The following AGK variants were observed in gnomAD, a reference collection of about 807,000 sequenced individuals.
AGK encodes the protein acylglycerol kinase, mitochondrial.
In AGK, 52 loss-of-function variants were observed where a neutral mutation model predicts 66.4. That is an observed-to-expected ratio of 0.78 (90% CI 0.63 to 0.99). The LOEUF (loss-of-function observed/expected upper bound fraction) is 0.99, where lower values mean the gene tolerates loss of function less well. Among genes scored for constraint, AGK ranks in the 50% least tolerant of loss-of-function variants. AGK has a pLI of 0.00. For synonymous variants in AGK, 182 were observed against 181.1 expected (o/e 1.00, Z -0.04); for missense variants, 451 against 506.6 (o/e 0.89, Z 1.05).
intron 8 of AGK, among the ~76,000 whole-genome samples, chr7:141,619,943 T>A (rs1382447085): frequency 6.6e-6 from 1 of 152,198 alleles, no homozygotes; most frequent in African/African-American, 2.4e-5. Flanking sequence ...AATGCCAATG[T>A]CCATCAACTG....
chr7:141,554,113 G>A (rs1331503090), intron 1 of AGK, among the ~76,000 whole-genome samples: 1 of 152,120 alleles, frequency 6.6e-6, no homozygotes, highest in East Asian at 1.9e-4. Context: ...GCCAAGGCGG[G>A]AGGATTGCTT....
chr7:141,630,486 A>G (rs757954661), intron 9 of AGK, among the ~76,000 whole-genome samples: 1 of 152,202 alleles, frequency 6.6e-6, no homozygotes, highest in Non-Finnish European at 1.5e-5. Flanking sequence ...ATCATCCCAC[A>G]TGTCAATTAC....
chr7:141,621,822 T>G (rs988354902), intron 9 of AGK, 21 bp downstream of exon 9: 4 of 1,573,022 alleles, frequency 2.5e-6, no homozygotes, highest in Non-Finnish European at 3.5e-6. Flanking sequence ...TCATCACATA[T>G]TGGAAAAATT....
intron 13 of AGK, among the ~76,000 whole-genome samples, chr7:141,647,333 G>A (rs898564286): frequency 2.6e-5 from 4 of 152,002 alleles, no homozygotes; most frequent in South Asian, 2.1e-4. Context: ...CAGCTTCCTC[G>A]CCATGGTCTA....
At chr7:141,624,280 A>G (rs1252975059) in intron 9 of AGK, among the ~76,000 whole-genome samples, 1 of 152,232 alleles carries the variant, frequency 6.6e-6, no homozygotes, top group East Asian at 1.9e-4. Flanking sequence ...TAGATGAACT[A>G]CTGTCTTGGC....
At chr7:141,644,471 T>C (rs1211398631) in intron 13 of AGK, among the ~76,000 whole-genome samples, 2 of 152,184 alleles carry the variant, frequency 1.3e-5, no homozygotes, top group Non-Finnish European at 2.9e-5. Flanking sequence ...GTGTAATAGC[T>C]CAAAATGTTC....
intron 2 of AGK, among the ~76,000 whole-genome samples, chr7:141,570,703 G>T (rs1746800477): frequency 6.8e-6 from 1 of 146,672 alleles, no homozygotes; most frequent in Non-Finnish European, 1.5e-5. Flanking sequence ...AAATATTGCA[G>T]TACCTTACTC....
At chr7:141,587,493 TGGC>T (rs1796017612) in intron 2 of AGK, among the ~76,000 whole-genome samples, 1 of 152,236 alleles carries the variant, frequency 6.6e-6, no homozygotes, top group South Asian at 2.1e-4. Flanking sequence ...CTTGGTGACC[TGGC>T]CTTTACTGGC....
intron 13 of AGK, among the ~76,000 whole-genome samples, chr7:141,643,062 G>C (rs921961878): frequency 1.3e-5 from 2 of 152,126 alleles, no homozygotes; most frequent in Non-Finnish European, 2.9e-5. Context: ...AGATGGAGTT[G>C]GAATGTCGTG....
chr7:141,573,680 A>G (rs1465988577), intron 2 of AGK, among the ~76,000 whole-genome samples: 1 of 152,180 alleles, frequency 6.6e-6, no homozygotes, highest in African/African-American at 2.4e-5. Context: ...CGTATTCTGG[A>G]ACCCAAAGTA....
At chr7:141,566,909 C>T (rs149225341) in intron 2 of AGK, among the ~76,000 whole-genome samples, 183 of 152,200 alleles carry the variant, frequency 1.2e-3, no homozygotes, top group African/African-American at 4.2e-3. Flanking sequence ...CCATTGACAC[C>T]GTCCTCAGAA....
chr7:141,648,766 G>A (rs886201129), intron 13 of AGK, among the ~76,000 whole-genome samples: 6 of 152,230 alleles, frequency 3.9e-5, no homozygotes, highest in African/African-American at 1.4e-4. Context: ...TAGAATAAAC[G>A]GATTGCTGTT....
intron 9 of AGK, among the ~76,000 whole-genome samples, chr7:141,624,632 A>T (rs564425372): frequency 6.6e-6 from 1 of 152,348 alleles, no homozygotes; most frequent in South Asian, 2.1e-4. Context: ...GAACCTGAAG[A>T]TGTGATTGAA....
rs34553236 is a variant in AGK, at chr7:141,649,094, GA to G, written c.976-152del. 64,334 of 310,132 alleles carry G rather than the reference GA, an allele frequency of 0.21. 482 individuals are homozygous for G. Among genetic ancestry groups the G allele is most frequent in the East Asian group, 0.25 (5,462 of 21,512 alleles). The allele number at this position is 310,132 out of a possible 1,614,324, so 19.2% of individuals were successfully genotyped here. On this transcript the variant is annotated intron_variant, in intron 13 of 15. Coordinates refer to ENST00000649286, the MANE Select transcript of AGK (RefSeq NM_018238.4). The stretch of plus-strand genomic sequence containing the variant: ...ATTATACCTCAGTAAAGCTCTTTGT[GA>G]AAAAAAAAAAAAAAAAGATTGAAAA...
Position 141,555,019 on chromosome 7 carries a change from T to C in AGK, c.-14-434T>C, listed in dbSNP as rs1795177386. Among the ~76,000 whole-genome samples, 1 of 151,808 alleles carries C rather than the reference T, an allele frequency of 6.6e-6. No individual in the cohort carries two copies. Among genetic ancestry groups the C allele is most frequent in the Non-Finnish European group, 1.5e-5 (1 of 68,020 alleles). On this transcript the variant is annotated intron_variant, in intron 1 of 15. Coordinates refer to ENST00000649286, the MANE Select transcript of AGK (RefSeq NM_018238.4). This position sits in a 1 kb window ranked among gnomAD's most constrained non-coding sequence, Gnocchi z 4.2. ...TATTTTGAACTCGCCCTTCATATTA[T>C]TATTTTTTGGGACACTTACATTATG... is the stretch of plus-strand genomic sequence containing the variant.
chr7:141,591,643 A>T (rs1796122954), intron 2 of AGK, among the ~76,000 whole-genome samples: 1 of 152,222 alleles, frequency 6.6e-6, no homozygotes, highest in Non-Finnish European at 1.5e-5. Context: ...TGCAAAATTT[A>T]AAGTTTTCAA....
rs1477343828 is a variant in AGK at position 141,654,462 on chromosome 7, TATC to T, written c.*1543_*1545del. ...CATTTTGACAAAGATCACAGTGCTC[TATC>T]ATCAAGAATTATTAATGATGATCTA... On this transcript the variant is annotated 3_prime_UTR_variant, in exon 16 of 16. Transcript: ENST00000649286. 1.3e-5 allele frequency: 2 copies of T among 152,244 alleles called. No individual in the cohort carries two copies. The highest frequency in any genetic ancestry group is 4.8e-5 in the African/African-American group (2 of 41,476). 9.4% of individuals were successfully genotyped at this position (152,244 alleles called of 1,614,324 possible).
At chr7:141,620,140 G>T (rs536633162) in intron 8 of AGK, among the ~76,000 whole-genome samples, 1 of 152,144 alleles carries the variant, frequency 6.6e-6, no homozygotes, top group Non-Finnish European at 1.5e-5. Flanking sequence ...AACTCTAGAC[G>T]CAGAAAACAT....
chr7:141,586,495 C>T (rs1366902505), intron 2 of AGK, among the ~76,000 whole-genome samples: 1 of 152,172 alleles, frequency 6.6e-6, no homozygotes, highest in Non-Finnish European at 1.5e-5. Flanking sequence ...ACCAAGTACC[C>T]TCTATCTACG....
Sources: allele counts gnomAD v4.1 joint callset (sites outside exome capture counted in the v4.1 genomes callset), GRCh38; gene constraint gnomAD v4.1.1; non-coding constraint Gnocchi (gnomAD v3.1); transcripts MANE v1.5; gene names NCBI Gene and HGNC (gene_info 2026-07-23, HGNC 2026-07-21).